PKIB: variants seen among roughly 807,000 people sequenced by gnomAD.
The protein encoded by PKIB is PKI-beta.
PKIB carries 2 observed loss-of-function variants against 4.5 expected under a neutral mutation model. That is an observed-to-expected ratio of 0.44 (90% CI 0.18 to 1.39). The LOEUF (loss-of-function observed/expected upper bound fraction) is 1.39. PKIB is among the 40% of genes most tolerant of loss of function. The probability of loss-of-function intolerance (pLI) is 0.27; values close to 1 mark genes in which losing one functional copy is unlikely to be tolerated. For missense variants in PKIB, 94 were observed against 92.6 expected (o/e 1.02, Z -0.06); for synonymous variants, 38 against 36.0 (o/e 1.06, Z -0.20).
chr6:122,568,808 T>C (rs1448003370), intron 2 of PKIB, among the ~76,000 whole-genome samples: 1 of 152,034 alleles, frequency 6.6e-6, no homozygotes, highest in African/African-American at 2.4e-5. Context: ...CCCAGCCTTG[T>C]AGAGAGACAG....
At chr6:122,619,643 A>G (rs537596293) in intron 1 of PKIB, among the ~76,000 whole-genome samples, 2 of 152,218 alleles carry the variant, frequency 1.3e-5, no homozygotes, top group South Asian at 4.2e-4. Context: ...AAGGAAAAAA[A>G]TTTCTATAAC....
At chr6:122,518,510 A>G (rs1005380025) in intron 2 of PKIB, among the ~76,000 whole-genome samples, 1 of 152,100 alleles carries the variant, frequency 6.6e-6, no homozygotes, top group Non-Finnish European at 1.5e-5. Flanking sequence ...GTAGGTTGTC[A>G]GGACCTCTCT....
At chr6:122,624,970 G>T (rs1775377417) in intron 1 of PKIB, among the ~76,000 whole-genome samples, 1 of 152,278 alleles carries the variant, frequency 6.6e-6, no homozygotes, top group East Asian at 1.9e-4. Context: ...TTATCCTGGG[G>T]ACCTGAAGTG....
At chr6:122,643,647 T>A (rs1317952887) in intron 2 of PKIB, 1 of 152,222 alleles carries the variant, frequency 6.6e-6, no homozygotes, top group Admixed American at 6.5e-5. Flanking sequence ...CCTAATATTT[T>A]TGATTAACTT....
At chr6:122,645,397 C>G (rs375175960) in intron 2 of PKIB, among the ~76,000 whole-genome samples, 1 of 152,200 alleles carries the variant, frequency 6.6e-6, no homozygotes, top group South Asian at 2.1e-4. Flanking sequence ...AAAGTCCAAC[C>G]GAGCTAGTAG....
chr6:122,565,122 T>C (rs140274980), intron 2 of PKIB, among the ~76,000 whole-genome samples: 57 of 152,290 alleles, frequency 3.7e-4, no homozygotes, highest in African/African-American at 1.2e-3. Context: ...GATAACTAAT[T>C]CTCCTCATAT....
chr6:122,551,880 T>C (rs1772684564), intron 2 of PKIB, among the ~76,000 whole-genome samples: 1 of 143,184 alleles, frequency 7.0e-6, no homozygotes, highest in Non-Finnish European at 1.5e-5. Flanking sequence ...ACATCTTTTT[T>C]TTTTTTTTTT....
intron 2 of PKIB, among the ~76,000 whole-genome samples, chr6:122,555,931 A>C (rs1407762268): frequency 6.6e-6 from 1 of 152,226 alleles, no homozygotes; most frequent in Admixed American, 6.5e-5. Flanking sequence ...CACCTTGGTG[A>C]AACTTATTGT....
intron 2 of PKIB, among the ~76,000 whole-genome samples, chr6:122,491,335 T>G (rs1253540344): frequency 1.3e-5 from 2 of 152,190 alleles, no homozygotes; most frequent in East Asian, 3.9e-4. Context: ...CCAGTTAAAC[T>G]CCACCATTTT....
intron 2 of PKIB, among the ~76,000 whole-genome samples, chr6:122,664,111 A>G (rs745714116): frequency 4.3e-4 from 65 of 152,324 alleles, no homozygotes; most frequent in Non-Finnish European, 7.5e-4. Context: ...TAATACTGCA[A>G]TGTGGTGAAA....
At chr6:122,669,982 G>A (rs1272893360) in intron 2 of PKIB, among the ~76,000 whole-genome samples, 2 of 151,616 alleles carry the variant, frequency 1.3e-5, no homozygotes, top group African/African-American at 4.9e-5. Flanking sequence ...AGGTGCTATA[G>A]GGCTGGTATA....
chr6:122,725,168 G>A lies in PKIB; in HGVS notation c.210G>A (p.Leu70=). The A allele has an allele frequency of 6.2e-7, 1 of 1,610,736 alleles. No individual in the cohort carries two copies. Among genetic ancestry groups the A allele is most frequent in the Non-Finnish European group, 8.5e-7 (1 of 1,178,658 alleles). ...EKDEKTTQDQ[L]EKPQNEEK Reference sequence around the variant, plus strand: ...ATGAAAAAACAACACAAGACCAATTGGAAAAGCCTCAAAATGAAGAAAAAT... The same window carrying A: ...ATGAAAAAACAACACAAGACCAATTAGAAAAGCCTCAAAATGAAGAAAAAT... Residue 70 remains leucine (L), a synonymous_variant, in exon 5 of 5, where the codon TTG becomes TTA. Transcript: ENST00000368452.
At chr6:122,606,744 TA>T (rs1393456007), upstream of PKIB, among the ~76,000 whole-genome samples, 5 of 151,846 alleles carry the variant, frequency 3.3e-5, no homozygotes, top group East Asian at 5.8e-4. Flanking sequence ...ATGGCAACCC[TA>T]AAAAAACTAA....
chr6:122,630,680 A>G (rs1775657959), intron 1 of PKIB, among the ~76,000 whole-genome samples: 1 of 152,186 alleles, frequency 6.6e-6, no homozygotes, highest in Admixed American at 6.6e-5. Flanking sequence ...ATATGATTTT[A>G]ACTATAATTT....
chr6:122,638,019 T>G (rs1057484440), intron 2 of PKIB, among the ~76,000 whole-genome samples: 2 of 152,132 alleles, frequency 1.3e-5, no homozygotes, highest in African/African-American at 4.8e-5. Context: ...AAGTTATCAC[T>G]AATAAAAATG....
intron 3 of PKIB, among the ~76,000 whole-genome samples, chr6:122,686,060 ATGAACACTTAAG>A (rs1778081265): frequency 6.6e-6 from 1 of 152,176 alleles, no homozygotes; most frequent in Non-Finnish European, 1.5e-5. Context: ...TCATCTTCTG[ATGAACACTTAAG>A]TTGTTCCAAA....
chr6:122,634,769 T>G (rs553505984), intron 2 of PKIB, among the ~76,000 whole-genome samples: 24 of 152,082 alleles, frequency 1.6e-4, no homozygotes, highest in African/African-American at 5.8e-4. Flanking sequence ...TCAACATGTC[T>G]AAAAATAAAA....
chr6:122,656,119 A>C (rs903400626), intron 2 of PKIB, among the ~76,000 whole-genome samples: 54 of 152,082 alleles, frequency 3.6e-4, no homozygotes, highest in Non-Finnish European at 7.4e-4. Context: ...CAGGCTTAGC[A>C]CTTACAAATA....
chr6:122,584,502 C>T (rs1444976867), intron 2 of PKIB, among the ~76,000 whole-genome samples: 1 of 151,992 alleles, frequency 6.6e-6, no homozygotes, highest in African/African-American at 2.4e-5. Flanking sequence ...TGACTAACTA[C>T]CTAGTGGGAT....
Sources: gnomAD v4.1 joint callset for allele counts (sites outside exome capture counted in the v4.1 genomes callset) on GRCh38, gnomAD v4.1.1 for gene constraint, MANE v1.5 for transcripts, NCBI Gene and HGNC (gene_info 2026-07-23, HGNC 2026-07-21) for gene names.